The following MYO9B variants were observed in gnomAD, a reference collection of about 807,000 sequenced individuals.
MYO9B encodes the protein myosin IXB, also known as unconventional myosin-IXb.
MYO9B carries 71 observed loss-of-function variants against 229.5 expected under a neutral mutation model. The ratio of observed to expected loss-of-function variants is 0.31; its 90% CI spans 0.26 to 0.38. The LOEUF (loss-of-function observed/expected upper bound fraction) is 0.38. Ranked by LOEUF, MYO9B falls within the 10% of genes least tolerant of loss-of-function variation. The pLI, the probability that MYO9B is intolerant of heterozygous loss-of-function variation, is 1.00. For synonymous variants in MYO9B, 1,185 were observed against 1,235.8 expected (o/e 0.96, Z 0.86); for missense variants, 2,255 against 2,920.5 (o/e 0.77, Z 5.25).
chr19:17,111,160 G>C (rs1421821948), intron 2 of MYO9B, among the ~76,000 whole-genome samples: 1 of 152,162 alleles, frequency 6.6e-6, no homozygotes, highest in Non-Finnish European at 1.5e-5. Flanking sequence ...CCTCCACCCA[G>C]CATTGGGGGC....
In MYO9B at chr19:17,195,420, C is replaced by A; in HGVS notation, c.3993C>A (p.Ser1331=). Residue 1331 remains serine (S), a synonymous_variant, in exon 22 of 40, where the codon TCC becomes TCA. Coordinates refer to ENST00000682292, the MANE Select transcript of MYO9B (RefSeq NM_004145.4). The surrounding 1 kb of genome is among the most constrained non-coding windows in gnomAD (Gnocchi z 4.5). The part of the protein sequence containing the change: ...AASPSAMLSQ[S]LDLSDRHRAT... ...GCCCTAGTGCCATGCTCAGCCAGTC[C>A]CTGGACCTCAGCGACAGACACCGGG... The A allele has an allele frequency of 2.5e-6, 4 of 1,608,216 alleles. No individual in the cohort carries two copies. The highest frequency in any genetic ancestry group is 3.4e-6 in the Non-Finnish European group (4 of 1,179,168).
chr19:17,135,910 C>T (rs898595163), intron 2 of MYO9B, among the ~76,000 whole-genome samples: 1 of 152,066 alleles, frequency 6.6e-6, no homozygotes, highest in Non-Finnish European at 1.5e-5. Flanking sequence ...ATTTCTGGGG[C>T]ACCTCTGCCA....
chr19:17,162,336 C>T lies in MYO9B; in HGVS notation c.1420-14C>T, dbSNP rs1442028075. The T allele has an allele frequency of 6.4e-7, 1 of 1,556,802 alleles. No individual in the cohort carries two copies. The highest frequency in any genetic ancestry group is 8.7e-7 in the Non-Finnish European group (1 of 1,152,122). On this transcript the variant is annotated splice_polypyrimidine_tract_variant and intron_variant, in intron 8 of 39. Coordinates refer to ENST00000682292, the MANE Select transcript of MYO9B (RefSeq NM_004145.4). ...TGCCGTGCCGGAGGTGAGTCACCCC[C>T]TCTGTGTCCACAGGCCATCACTGCC...
chr19:17,206,037 C>G lies in MYO9B; in HGVS notation c.5142C>G (p.Ile1714Met). 3 of 1,609,536 alleles carry G rather than the reference C, an allele frequency of 1.9e-6. No individual in the cohort carries two copies. Among genetic ancestry groups the G allele is most frequent in the Non-Finnish European group, 2.5e-6 (3 of 1,177,294 alleles). Residue 1714 changes from isoleucine to methionine, a missense_variant, in exon 32 of 40, where the codon ATC (isoleucine) becomes ATG (methionine). By Grantham distance (10) the Ile-to-Met change is conservative. Around this residue, in one of 7 missense-constraint regions of MYO9B, gnomAD observed 416 missense variants for 605.5 expected, o/e 0.69. Transcript: ENST00000682292. ...CCAGCGACAAGGCCTCGGTGCCCATCGTGCTGGAGAAGCTCCTGGAACACG... is the reference window on the plus strand; with the variant it reads ...CCAGCGACAAGGCCTCGGTGCCCATGGTGCTGGAGAAGCTCCTGGAACACG... ...SLTSDKASVP[I>M]VLEKLLEHVE...
At chr19:17,205,150 C>CAA (rs759938283) in intron 30 of MYO9B, 113 bp from the exon 31 acceptor site, 854 of 500,532 alleles carry the variant, frequency 1.7e-3, no homozygotes, top group Non-Finnish European at 2.0e-3. Context: ...GACTCCATCT[C>CAA]AAAAAAAAAA....
intron 15 of MYO9B, 132 bp downstream of exon 15, chr19:17,181,172 C>A (rs2072856499): frequency 6.7e-6 from 4 of 594,790 alleles, no homozygotes; most frequent in Admixed American, 3.2e-5. Flanking sequence ...CATGGCCCAC[C>A]CCCAGCCATC....
intron 35 of MYO9B, 50 bp downstream of exon 35, chr19:17,207,294 G>A: frequency 6.4e-7 from 1 of 1,565,934 alleles, no homozygotes; most frequent in South Asian, 1.2e-5. Context: ...CCCCACCCAG[G>A]ACCCCACGAC....
At chr19:17,183,359 A>G (rs2072881991) in intron 15 of MYO9B, among the ~76,000 whole-genome samples, 1 of 152,132 alleles carries the variant, frequency 6.6e-6, no homozygotes, top group Non-Finnish European at 1.5e-5. Flanking sequence ...CCTGCTTGGC[A>G]TCTACCAGCA....
chr19:17,092,746 G>A (rs571335000), intron 1 of MYO9B, among the ~76,000 whole-genome samples: 10 of 145,436 alleles, frequency 6.9e-5, no homozygotes, highest in African/African-American at 2.3e-4. Flanking sequence ...AAAAAAAAGC[G>A]CTTGCACATA....
At chr19:17,172,000 C>A (rs79454949) in intron 11 of MYO9B, among the ~76,000 whole-genome samples, 9,567 of 152,222 alleles carry the variant, frequency 0.063, 394 homozygotes, top group Non-Finnish European at 0.094. Context: ...CACCCTCAGC[C>A]TCCTTGTACC....
chr19:17,081,128 A>C (rs1023646630), intron 1 of MYO9B, among the ~76,000 whole-genome samples: 2 of 152,092 alleles, frequency 1.3e-5, no homozygotes, highest in African/African-American at 4.8e-5. Flanking sequence ...CCCAGGTTCA[A>C]GTGATTCTCC....
chr19:17,082,741 A>G (rs1979260), intron 1 of MYO9B, among the ~76,000 whole-genome samples: 88,772 of 151,906 alleles, frequency 0.58, 26,955 homozygotes, highest in African/African-American at 0.74. Flanking sequence ...AGAAAGTGTG[A>G]TCGTACTTAT....
chr19:17,177,683 A>T (rs1327512218), intron 14 of MYO9B: 1 of 152,162 alleles, frequency 6.6e-6, no homozygotes. Context: ...CCAAAGACAA[A>T]GTGACTTCTG....
chr19:17,162,706 C>G (rs553495110), intron 9 of MYO9B, among the ~76,000 whole-genome samples: 3 of 152,006 alleles, frequency 2.0e-5, no homozygotes, highest in Admixed American at 6.6e-5. Context: ...ACCTGTGGTC[C>G]CAGCTACTCA....
chr19:17,109,345 A>G (rs915405574), intron 2 of MYO9B, among the ~76,000 whole-genome samples: 7 of 152,206 alleles, frequency 4.6e-5, no homozygotes, highest in African/African-American at 1.4e-4. Flanking sequence ...GATTACAAGC[A>G]TGAGCCACTG....
At chr19:17,175,821 A>ATT in intron 14 of MYO9B, 80 bp downstream of exon 14, 3 of 879,374 alleles carry the variant, frequency 3.4e-6, no homozygotes, top group South Asian at 3.8e-5. Flanking sequence ...GGAATGCTAC[A>ATT]TTCTTTTTTT....
At chr19:17,100,957 C>T (rs115816788) in intron 1 of MYO9B, among the ~76,000 whole-genome samples, 1,766 of 151,024 alleles carry the variant, frequency 0.012, 44 homozygotes, top group African/African-American at 0.04. Context: ...CCTGTGGGGC[C>T]GAGTCGTCTT....
In MYO9B at chr19:17,198,380, G is replaced by A. The variant is rs1043883605; in HGVS notation, c.4238+72G>A. The A allele has an allele frequency of 5.2e-5, 82 of 1,590,882 alleles. No individual in the cohort carries two copies. In the African/African-American group the frequency reaches 7.8e-4, roughly 15 times the overall value. On this transcript the variant is annotated intron_variant, in intron 24 of 39. Transcript: ENST00000682292. ...GGGTCCCTGCCAGGGCCTCGCAGCAGTGTGGCCTCCTAAACCAATCACGTT... is the reference window on the plus strand; with the variant it reads ...GGGTCCCTGCCAGGGCCTCGCAGCAATGTGGCCTCCTAAACCAATCACGTT...
At chr19:17,200,959 C>A in intron 26 of MYO9B, 130 bp downstream of exon 26, 1 of 1,076,762 alleles carries the variant, frequency 9.3e-7, no homozygotes, top group African/African-American at 1.6e-5. Context: ...CAGGCTCAGG[C>A]CGGGGACAGT....
Sources: gnomAD v4.1 joint callset for allele counts (sites outside exome capture counted in the v4.1 genomes callset) on GRCh38, gnomAD v4.1.1 for gene constraint, gnomAD v4.1.1 regional missense constraint, Gnocchi (gnomAD v3.1) non-coding constraint, MANE v1.5 for transcripts, NCBI Gene and HGNC (gene_info 2026-07-23, HGNC 2026-07-21) for gene names.